PITPNA: variants seen among roughly 807,000 people sequenced by gnomAD.
PITPNA encodes the protein phosphatidylinositol transfer protein alpha, also known as phosphatidylinositol transfer protein alpha isoform.
A neutral mutation model predicts 50.3 loss-of-function variants in PITPNA; 13 were observed. The observed-to-expected ratio is 0.26, with a 90% CI of 0.17 to 0.41. PITPNA has a LOEUF of 0.41. PITPNA is among the 10% of genes least tolerant of loss of function. The probability of loss-of-function intolerance (pLI) is 1.00; values close to 1 mark genes in which losing one functional copy is unlikely to be tolerated. For synonymous variants in PITPNA, 120 were observed against 119.6 expected, an observed-to-expected ratio of 1.00 and a Z score of -0.02; for missense variants, 207 against 333.4, an observed-to-expected ratio of 0.62 and a Z score of 2.95.
At chr17:1,525,582 G>A (rs937248957) in intron 10 of PITPNA, among the ~76,000 whole-genome samples, 1 of 144,732 alleles carries the variant, frequency 6.9e-6, no homozygotes, top group Non-Finnish European at 1.5e-5. Flanking sequence ...GCAGTGGCAC[G>A]ATCTTGGCTC....
At chr17:1,560,801 A>C (rs776764365) in intron 1 of PITPNA, among the ~76,000 whole-genome samples, 44 of 152,352 alleles carry the variant, frequency 2.9e-4, no homozygotes, top group Admixed American at 1.2e-3. Flanking sequence ...CCCTGGCTGA[A>C]TTAACATCAG....
At position 1,521,518 on chromosome 17, in the gene PITPNA, C is replaced by CAG; in HGVS notation, c.*22+60_*22+61insCT. On this transcript the variant is annotated intron_variant, in intron 11 of 11. Transcript: ENST00000313486. ...CTGACTCCATAGTGAGCTGCTGAGG[C>CAG]CTTGAAACCCAAACTGATTTTAGCG... is the stretch of plus-strand genomic sequence containing the variant. The CAG allele has an allele frequency of 2.6e-6, 3 of 1,162,252 alleles. No individual in the cohort carries two copies. The South Asian group carries it at 3.7e-5, about 14-fold the overall frequency. 72.0% of individuals were successfully genotyped at this position (1,162,252 alleles called of 1,614,324 possible).
intron 9 of PITPNA, among the ~76,000 whole-genome samples, chr17:1,534,803 C>A (rs1221150671): frequency 6.6e-6 from 1 of 152,216 alleles, no homozygotes; most frequent in African/African-American, 2.4e-5. Flanking sequence ...CCTCAGTTTC[C>A]TTCCCTGTCA....
intron 10 of PITPNA, among the ~76,000 whole-genome samples, chr17:1,526,519 A>G (rs755438214): frequency 4.6e-5 from 7 of 152,268 alleles, no homozygotes; most frequent in Non-Finnish European, 1.0e-4. Context: ...TTTGCTCACT[A>G]ATGACCATTT....
In PITPNA at chr17:1,534,206, A is replaced by G; in HGVS notation, c.661T>C (p.Phe221Leu). Residue 221 changes from phenylalanine (F) to leucine (L), a missense_variant, in exon 10 of 12, where the codon TTT becomes CTT. Coordinates refer to ENST00000313486, the MANE Select transcript of PITPNA (RefSeq NM_006224.4). ...NFIHKQERRL[F>L]TNFHRQLFCW... ...AACAGCTGCCTGTGGAAGTTTGTAAACAGACGCCTCTCTTGCTATAGAAAG... is the reference window on the plus strand; with the variant it reads ...AACAGCTGCCTGTGGAAGTTTGTAAGCAGACGCCTCTCTTGCTATAGAAAG... The G allele has an allele frequency of 6.2e-7, 1 of 1,613,838 alleles. No individual in the cohort carries two copies. The highest frequency in any genetic ancestry group is 8.5e-7 in the Non-Finnish European group (1 of 1,179,846).
At position 1,530,538 on chromosome 17, in the gene PITPNA, T is replaced by G. The variant is rs141038157; in HGVS notation, c.768+3561A>C. On this transcript the variant is annotated intron_variant, in intron 10 of 11. Transcript: ENST00000313486. ...AGCAGTGATGACTGTGGCCTTGCAG[T>G]GACCCTTCATCACTCACAAACAAAA... is the stretch of plus-strand genomic sequence containing the variant. 5.3e-3 allele frequency among the ~76,000 whole-genome samples: 814 copies of G among 152,302 alleles called. 16 individuals carry two copies. The highest frequency in any genetic ancestry group is 0.019 in the African/African-American group (770 of 41,568).
At chr17:1,560,446 G>C (rs1161872076) in intron 1 of PITPNA, among the ~76,000 whole-genome samples, 5 of 152,206 alleles carry the variant, frequency 3.3e-5, no homozygotes, top group Admixed American at 3.3e-4. Context: ...CACGGGGCAC[G>C]AGTCGGGCAG....
rs1447380116 is a variant in PITPNA, at chr17:1,517,984, GA to G, written c.*2576del. 3 of 152,606 alleles carry G rather than the reference GA, an allele frequency of 2.0e-5. No individual in the cohort carries two copies. Among genetic ancestry groups the G allele is most frequent in the Admixed American group, 6.5e-5 (1 of 15,280 alleles). The allele number at this position is 152,606 out of a possible 1,614,324, so 9.5% of individuals were successfully genotyped here. ...ATGGACATCACCAAACTGGACTCCA[GA>G]AAGTTCTGTCTAGGATTTTATTAGA... On this transcript the variant is annotated 3_prime_UTR_variant, in exon 12 of 12. Transcript: ENST00000313486.
chr17:1,555,818 G>A (rs2075732291), intron 2 of PITPNA, among the ~76,000 whole-genome samples: 1 of 152,186 alleles, frequency 6.6e-6, no homozygotes, highest in Non-Finnish European at 1.5e-5. Context: ...AAGCACTGGT[G>A]GACACACCCC....
At chr17:1,529,153 A>G (rs201577787) in intron 10 of PITPNA, among the ~76,000 whole-genome samples, 16 of 53,434 alleles carry the variant, frequency 3.0e-4, no homozygotes, top group Admixed American at 5.8e-4. Context: ...AAAAAAAAAA[A>G]AAAGAGAGAG....
intron 1 of PITPNA, chr17:1,561,331 C>T (rs1041945585): frequency 6.6e-6 from 1 of 152,408 alleles, no homozygotes. Flanking sequence ...CCAGAAGTCA[C>T]CAGTTTCCCA....
chr17:1,554,115 C>G (rs1239916035), intron 2 of PITPNA, among the ~76,000 whole-genome samples: 1 of 152,224 alleles, frequency 6.6e-6, no homozygotes, highest in Non-Finnish European at 1.5e-5. Flanking sequence ...CTTAGCCCTT[C>G]CGCCTTCTTC....
rs958029652 is a variant in PITPNA, at chr17:1,519,032, C to T, written c.*1529G>A. 2.6e-5 allele frequency: 4 copies of T among 152,232 alleles called. No homozygotes were observed. Among genetic ancestry groups the T allele is most frequent in the Non-Finnish European group, 5.9e-5 (4 of 67,968 alleles). The allele number at this position is 152,232 out of a possible 1,614,324, so 9.4% of individuals were successfully genotyped here. A position where few individuals can be genotyped will look rare whatever the true frequency, so the allele number is the denominator to read the frequency against. Reference sequence around the variant, plus strand: ...CATGCTGGGGGTCTGAGTCTGTCCACCCTTGCCCCAGGAGGGCCACAGGGA... The same window carrying T: ...CATGCTGGGGGTCTGAGTCTGTCCATCCTTGCCCCAGGAGGGCCACAGGGA... On this transcript the variant is annotated 3_prime_UTR_variant, in exon 12 of 12. Coordinates refer to ENST00000313486, the MANE Select transcript of PITPNA (RefSeq NM_006224.4).
At chr17:1,545,033 C>CT (rs1162728431) in intron 4 of PITPNA, among the ~76,000 whole-genome samples, 1 of 151,082 alleles carries the variant, frequency 6.6e-6, no homozygotes. Flanking sequence ...AAAAGCATGG[C>CT]TTAGTGATAC....
chr17:1,544,175 C>T (rs917415243), intron 4 of PITPNA, among the ~76,000 whole-genome samples: 1 of 152,252 alleles, frequency 6.6e-6, no homozygotes. Flanking sequence ...ATCAATGGAC[C>T]CAAGAATCTG....
intron 2 of PITPNA, among the ~76,000 whole-genome samples, chr17:1,553,656 C>G (rs2075720842): frequency 6.6e-6 from 1 of 152,118 alleles, no homozygotes; most frequent in Non-Finnish European, 1.5e-5. Context: ...GTATTAAGAC[C>G]CCAGAAGACC....
At position 1,538,864 on chromosome 17, in the gene PITPNA, C is replaced by G; in HGVS notation, c.456+5G>C. On this transcript the variant is annotated splice_donor_5th_base_variant and intron_variant, in intron 7 of 11. Transcript: ENST00000313486. The stretch of plus-strand genomic sequence containing the variant: ...AGGCCACCCACGTCTTTAAACGGAT[C>G]CTACCTTGCTGAGCACTTGGCTTCG... 6.2e-7 allele frequency: 1 copy of G among 1,604,706 alleles called. No homozygotes were observed. The highest frequency in any genetic ancestry group is 1.3e-5 in the African/African-American group (1 of 74,914).
chr17:1,546,493 C>T (rs779395181), intron 4 of PITPNA, among the ~76,000 whole-genome samples: 8 of 152,166 alleles, frequency 5.3e-5, no homozygotes, highest in Admixed American at 2.0e-4. Context: ...ATATGCGTCA[C>T]GTAAGGATCC....
At chr17:1,542,867 AG>A (rs2075654682) in intron 5 of PITPNA, among the ~76,000 whole-genome samples, 152 bp downstream of exon 5, 2 of 152,194 alleles carry the variant, frequency 1.3e-5, no homozygotes, top group African/African-American at 4.8e-5. Context: ...GCCAGTTAAC[AG>A]GTTCCTTGTT....
Sources: gnomAD v4.1 joint callset for allele counts (sites outside exome capture counted in the v4.1 genomes callset) on GRCh38, gnomAD v4.1.1 for gene constraint, MANE v1.5 for transcripts, NCBI Gene and HGNC (gene_info 2026-07-23, HGNC 2026-07-21) for gene names.